Variants in CASK observed in about 807,000 individuals in gnomAD.
The protein encoded by CASK is peripheral plasma membrane protein CASK.
In CASK, 4 loss-of-function variants were observed where a neutral mutation model predicts 82.9. That is an observed-to-expected ratio of 0.05 (90% CI 0.02 to 0.11). CASK has a LOEUF of 0.11. Among genes scored for constraint, CASK ranks in the 10% least tolerant of loss-of-function variants. The pLI is 1.00. For synonymous variants in CASK, 259 were observed against 253.5 expected, an observed-to-expected ratio of 1.02 and a Z score of -0.20; for missense variants, 358 against 720.9, an observed-to-expected ratio of 0.50 and a Z score of 5.76.
intron 2 of CASK, among the ~76,000 whole-genome samples, chrX:41,798,218 G>A (rs2069904453): frequency 1.8e-5 from 2 of 112,071 alleles, no homozygotes; most frequent in South Asian, 3.7e-4. Flanking sequence ...GCATGTTTAT[G>A]CAAAGAGCCT....
At chrX:41,775,958 C>T (rs776029642) in intron 3 of CASK, among the ~76,000 whole-genome samples, 101 of 105,979 alleles carry the variant, frequency 9.5e-4, no homozygotes, top group African/African-American at 3.2e-3. Flanking sequence ...GTGGGTGCAG[C>T]GCACCAGCAT....
chrX:41,853,510 G>C (rs2071306470), intron 1 of CASK, among the ~76,000 whole-genome samples: 1 of 111,841 alleles, frequency 8.9e-6, no homozygotes, highest in African/African-American at 3.2e-5. Context: ...GTAGTCTTAT[G>C]CTCAAGGCAA....
intron 8 of CASK, among the ~76,000 whole-genome samples, chrX:41,648,357 C>T (rs886310121): frequency 9.0e-6 from 1 of 111,502 alleles, no homozygotes; most frequent in East Asian, 2.8e-4. Flanking sequence ...GTGCCTGAAA[C>T]TTCATTAGCA....
chrX:41,678,204 C>T (rs1303688729), intron 5 of CASK, among the ~76,000 whole-genome samples: 4 of 111,690 alleles, frequency 3.6e-5, no homozygotes, highest in African/African-American at 9.8e-5. Context: ...GGTCTTATTA[C>T]GGTTGGTTGG....
At chrX:41,738,750 G>A (rs2068544718) in intron 5 of CASK, among the ~76,000 whole-genome samples, 1 of 111,198 alleles carries the variant, frequency 9.0e-6, no homozygotes, top group Non-Finnish European at 1.9e-5. Context: ...GGCCTTGGGA[G>A]AAGCTAGGGA....
chrX:41,535,458 C>T (rs2064861589), intron 22 of CASK, among the ~76,000 whole-genome samples: 1 of 110,205 alleles, frequency 9.1e-6, no homozygotes, highest in African/African-American at 3.3e-5. Flanking sequence ...GCATGGACAG[C>T]TGGTCTTTAA....
In CASK at chrX:41,922,782, C is replaced by G. The variant is rs1422076080; in HGVS notation, c.59+148G>C. On this transcript the variant is annotated intron_variant, in intron 1 of 26. Transcript: ENST00000378163. ...CCGCCTGGCAGGAGCTCCAGGTACA[C>G]GTCTATAAATACTCCAGGATGAGAA... 5.5e-6 allele frequency: 3 copies of G among 544,515 alleles called. No homozygotes were observed. In the African/African-American group the frequency reaches 6.9e-5, roughly 13 times the overall value. The allele number at this position is 544,515 out of a possible 1,213,427, so 44.9% of individuals were successfully genotyped here.
chrX:41,642,932 T>C (rs1403915870), intron 8 of CASK, among the ~76,000 whole-genome samples: 2 of 112,006 alleles, frequency 1.8e-5, no homozygotes, highest in Admixed American at 1.9e-4. Context: ...GTATAAGGTG[T>C]AAGGAAGGGA....
At chrX:41,749,198 A>T (rs1312560699) in intron 3 of CASK, among the ~76,000 whole-genome samples, 1 of 107,970 alleles carries the variant, frequency 9.3e-6, no homozygotes, top group Non-Finnish European at 1.9e-5. Flanking sequence ...CTGAGGCAGG[A>T]GAATCACCTG....
intron 1 of CASK, among the ~76,000 whole-genome samples, chrX:41,870,351 T>C (rs1421765252): frequency 9.0e-6 from 1 of 111,697 alleles, no homozygotes; most frequent in Non-Finnish European, 1.9e-5. Context: ...TAAAGTGCCA[T>C]CCAAATAATT....
At chrX:41,726,976 C>T (rs1270067300) in intron 5 of CASK, 1 of 660,334 alleles carries the variant, frequency 1.5e-6, no homozygotes, top group Non-Finnish European at 2.2e-6. Context: ...TATTAAATAT[C>T]TGCAATTCTA....
At chrX:41,713,695 T>C (rs893137834) in intron 5 of CASK, among the ~76,000 whole-genome samples, 5 of 111,437 alleles carry the variant, frequency 4.5e-5, no homozygotes, top group African/African-American at 1.6e-4. Context: ...GTCTAAATGG[T>C]TATTGAGAAA....
chrX:41,883,465 G>T (rs2148030177), intron 1 of CASK, among the ~76,000 whole-genome samples: 1 of 111,118 alleles, frequency 9.0e-6, no homozygotes, highest in Non-Finnish European at 1.9e-5. Context: ...CAGATTAAGG[G>T]TGTTGCCTAC....
intron 7 of CASK, among the ~76,000 whole-genome samples, chrX:41,664,637 C>A (rs186616591): frequency 1.8e-5 from 2 of 112,104 alleles, no homozygotes; most frequent in African/African-American, 6.5e-5. Context: ...GTGAAATCAA[C>A]TTTAAGCTTA....
At chrX:41,566,894 A>G (rs1409989520) in intron 16 of CASK, among the ~76,000 whole-genome samples, 8 of 112,084 alleles carry the variant, frequency 7.1e-5, no homozygotes, top group African/African-American at 2.6e-4. Context: ...ACAGAGATAT[A>G]GACAAATGGA....
chrX:41,665,568 C>A, intron 6 of CASK, 116 bp from the exon 7 acceptor site: 1 of 529,788 alleles, frequency 1.9e-6, no homozygotes, highest in Non-Finnish European at 3.1e-6. Flanking sequence ...TACATATACT[C>A]TCACCACTCC....
intron 17 of CASK, among the ~76,000 whole-genome samples, chrX:41,560,296 C>G (rs2147152452): frequency 9.0e-6 from 1 of 110,656 alleles, no homozygotes; most frequent in South Asian, 3.9e-4. Flanking sequence ...CAGAGTCTCG[C>G]TCTGTCATCC....
intron 5 of CASK, among the ~76,000 whole-genome samples, chrX:41,681,817 C>T (rs1052762992): frequency 4.6e-5 from 5 of 109,202 alleles, no homozygotes; most frequent in African/African-American, 6.7e-5. Context: ...TGGTGGCAGG[C>T]GCCTGTAAAT....
At chrX:41,614,565 A>G (rs908771017) in intron 11 of CASK, among the ~76,000 whole-genome samples, 1 of 106,255 alleles carries the variant, frequency 9.4e-6, no homozygotes, top group African/African-American at 3.5e-5. Context: ...TCTGTTGCCC[A>G]GGCTGGAGTG....
Sources: gnomAD v4.1 joint callset for allele counts (sites outside exome capture counted in the v4.1 genomes callset) on GRCh38, gnomAD v4.1.1 for gene constraint, MANE v1.5 for transcripts, NCBI Gene and HGNC (gene_info 2026-07-23, HGNC 2026-07-21) for gene names.